PTPRA: variants seen among roughly 807,000 people sequenced by gnomAD.
The protein encoded by PTPRA is receptor-type tyrosine-protein phosphatase alpha.
In PTPRA, 25 loss-of-function variants were observed where a neutral mutation model predicts 104.8. The observed-to-expected ratio is 0.24, with a 90% CI of 0.17 to 0.33. The LOEUF is 0.33. Ranked by LOEUF, PTPRA falls within the 10% of genes least tolerant of loss-of-function variation. The pLI is 1.00. For missense variants in PTPRA, 765 were observed against 1,015.3 expected, an observed-to-expected ratio of 0.75 and a Z score of 3.35; for synonymous variants, 323 against 368.9, an observed-to-expected ratio of 0.88 and a Z score of 1.43.
chr20:2,869,429 A>G (rs558320586), upstream of PTPRA, among the ~76,000 whole-genome samples: 3 of 152,220 alleles, frequency 2.0e-5, no homozygotes, highest in African/African-American at 4.8e-5. Flanking sequence ...ATGAATTGTG[A>G]CATTTAAAAA....
intron 1 of PTPRA, among the ~76,000 whole-genome samples, chr20:2,890,143 C>T (rs1315213337): frequency 2.0e-5 from 3 of 151,924 alleles, no homozygotes; most frequent in Admixed American, 6.6e-5. Context: ...ACAGTCCTCC[C>T]GCCTCAGCCT....
At position 3,024,631 on chromosome 20, in the gene PTPRA, A is replaced by G; in HGVS notation, c.1614+10A>G. The G allele has an allele frequency of 1.2e-6, 2 of 1,614,070 alleles. No homozygotes were observed. The highest frequency in any genetic ancestry group is 1.7e-6 in the Non-Finnish European group (2 of 1,179,956). ...AGAGGAGGAGTTTAAGGTGAGTTGGAGCTGGATAACCTCCTTCAGATTGAA... is the reference window on the plus strand; with the variant it reads ...AGAGGAGGAGTTTAAGGTGAGTTGGGGCTGGATAACCTCCTTCAGATTGAA... On this transcript the variant is annotated intron_variant, in intron 17 of 23. Coordinates refer to ENST00000399903, the MANE Select transcript of PTPRA (RefSeq NM_001385305.1).
At chr20:3,018,880 G>A (rs1249754136) in intron 13 of PTPRA, among the ~76,000 whole-genome samples, 15 of 105,900 alleles carry the variant, frequency 1.4e-4, no homozygotes, top group African/African-American at 6.4e-4. Context: ...CCTCCCGGAC[G>A]GGGTGGCTGG....
chr20:2,880,867 C>T (rs1260700153), intron 1 of PTPRA, among the ~76,000 whole-genome samples: 4 of 151,956 alleles, frequency 2.6e-5, no homozygotes, highest in Admixed American at 2.0e-4. Flanking sequence ...AAAAATTAGC[C>T]GTGTGGTGTC....
intron 1 of PTPRA, among the ~76,000 whole-genome samples, chr20:2,883,177 A>G (rs926410288): frequency 6.6e-6 from 1 of 152,058 alleles, no homozygotes; most frequent in African/African-American, 2.4e-5. Flanking sequence ...GAATAATGCA[A>G]ATAGTACAAA....
chr20:2,989,071 C>T (rs1045993950), intron 9 of PTPRA, among the ~76,000 whole-genome samples: 1 of 152,150 alleles, frequency 6.6e-6, no homozygotes, highest in Non-Finnish European at 1.5e-5. Flanking sequence ...TTTATAATTC[C>T]CACAAGGAAG....
At chr20:2,988,498 G>GT (rs1363999614) in intron 9 of PTPRA, 24 bp downstream of exon 9, 2 of 1,608,314 alleles carry the variant, frequency 1.2e-6, no homozygotes, top group Non-Finnish European at 8.5e-7. Flanking sequence ...TGAGGCTGGT[G>GT]TATCAGCAGG....
chr20:3,023,743 G>A (rs1330634473), intron 16 of PTPRA, among the ~76,000 whole-genome samples: 2 of 152,128 alleles, frequency 1.3e-5, no homozygotes, highest in Non-Finnish European at 2.9e-5. Flanking sequence ...ACTCAGAGAC[G>A]AGTGCTGGCG....
At chr20:2,865,198 C>T in the PTPRA span, 14 of 1,614,020 alleles carry the variant, frequency 8.7e-6, no homozygotes, top group South Asian at 6.6e-5. This position sits in a 1 kb window ranked among gnomAD's most constrained non-coding sequence, Gnocchi z 5.2. Flanking sequence ...GCCTAGAAGA[C>T]GAGCTGGGGG....
At chr20:2,964,719 GGGGT>G in intron 4 of PTPRA, 138 bp from the exon 5 acceptor site, 1 of 707,006 alleles carries the variant, frequency 1.4e-6, no homozygotes, top group Non-Finnish European at 2.3e-6. Context: ...AAAAACGTAG[GGGGT>G]GGGTGGTGTT....
chr20:2,909,906 C>CATATTT (rs1555801815), intron 1 of PTPRA, among the ~76,000 whole-genome samples: 3,358 of 124,810 alleles, frequency 0.027, 149 homozygotes, highest in Admixed American at 0.085. Context: ...TAATATATGA[C>CATATTT]ATATATATGT....
intron 1 of PTPRA, among the ~76,000 whole-genome samples, chr20:2,881,515 G>A (rs1211211289): frequency 2.0e-5 from 3 of 151,978 alleles, no homozygotes; most frequent in African/African-American, 7.3e-5. Context: ...TTTATATTTT[G>A]AGGGTTTTTT....
At chr20:2,994,068 C>T (rs1042657307) in intron 9 of PTPRA, among the ~76,000 whole-genome samples, 3 of 152,244 alleles carry the variant, frequency 2.0e-5, no homozygotes, top group Admixed American at 1.3e-4. Context: ...TAGCGACATT[C>T]TGAGTTCCTA....
At chr20:2,931,805 C>T (rs1049477548) in intron 2 of PTPRA, among the ~76,000 whole-genome samples, 1 of 152,040 alleles carries the variant, frequency 6.6e-6, no homozygotes, top group Non-Finnish European at 1.5e-5. Context: ...AATCATAGCT[C>T]ACTGCAGCCT....
chr20:2,914,365 CAG>C, intron 1 of PTPRA, among the ~76,000 whole-genome samples: 1 of 152,116 alleles, frequency 6.6e-6, no homozygotes, highest in East Asian at 1.9e-4. Flanking sequence ...TCTCAGCAGA[CAG>C]AGCTAGAGCA....
At chr20:2,885,521 A>G (rs2090329655) in intron 1 of PTPRA, among the ~76,000 whole-genome samples, 1 of 152,200 alleles carries the variant, frequency 6.6e-6, no homozygotes, top group Non-Finnish European at 1.5e-5. Context: ...CAATCATAAC[A>G]TCTCTAAAAT....
At chr20:2,864,413 T>G in the PTPRA span, 1 of 1,614,086 alleles carries the variant, frequency 6.2e-7, no homozygotes, top group Admixed American at 1.7e-5. The surrounding 1 kb of genome is among the most constrained non-coding windows in gnomAD (Gnocchi z 5.2). Context: ...CGAGGAGATT[T>G]TTTCATGACC....
intron 1 of PTPRA, among the ~76,000 whole-genome samples, chr20:2,899,849 G>A (rs1238872618): frequency 6.6e-6 from 1 of 152,160 alleles, no homozygotes; most frequent in Non-Finnish European, 1.5e-5. Flanking sequence ...GCTCTTGCCT[G>A]TAATCCCAGC....
At chr20:2,996,798 A>G (rs904671691) in intron 9 of PTPRA, among the ~76,000 whole-genome samples, 4 of 152,222 alleles carry the variant, frequency 2.6e-5, no homozygotes, top group Non-Finnish European at 5.9e-5. Context: ...GAAAATTTAA[A>G]AAGCTTTATA....
Sources: gnomAD v4.1 joint callset for allele counts (sites outside exome capture counted in the v4.1 genomes callset) on GRCh38, gnomAD v4.1.1 for gene constraint, Gnocchi (gnomAD v3.1) non-coding constraint, MANE v1.5 for transcripts, NCBI Gene and HGNC (gene_info 2026-07-23, HGNC 2026-07-21) for gene names.